NAT10: variants seen among roughly 807,000 people sequenced by gnomAD.
The protein encoded by NAT10 is RNA cytidine acetyltransferase.
A neutral mutation model predicts 132.2 loss-of-function variants in NAT10; 109 were observed. The observed-to-expected ratio is 0.82, with a 90% CI of 0.71 to 0.97. NAT10 has a LOEUF of 0.97. Ranked by LOEUF, NAT10 falls within the 50% of genes least tolerant of loss-of-function variation. The probability of loss-of-function intolerance (pLI) is 0.00; values close to 1 mark genes in which losing one functional copy is unlikely to be tolerated. For missense variants in NAT10, 1,184 were observed against 1,263.4 expected (o/e 0.94, Z 0.95); for synonymous variants, 479 against 478.0 (o/e 1.00, Z -0.03).
intron 16 of NAT10, 84 bp from the exon 17 acceptor site, chr11:34,134,235 A>G: frequency 8.6e-7 from 1 of 1,167,828 alleles, no homozygotes. Context: ...CAACTGGCCT[A>G]GTTCGAGAAA....
At chr11:34,143,610 A>G in intron 28 of NAT10, 82 bp downstream of exon 28, 1 of 1,285,024 alleles carries the variant, frequency 7.8e-7, no homozygotes. Flanking sequence ...ACTAGAAAAT[A>G]GGAGGTTGGA....
At chr11:34,143,401 CT>C (rs758257535) in intron 27 of NAT10, 43 bp from the exon 28 acceptor site, 18 of 1,544,542 alleles carry the variant, frequency 1.2e-5, no homozygotes, top group Admixed American at 5.3e-5. Flanking sequence ...AAGCAGTCCC[CT>C]CTTCTTTCTA....
chr11:34,128,900 A>G (rs1257521060), intron 12 of NAT10, among the ~76,000 whole-genome samples: 1 of 152,140 alleles, frequency 6.6e-6, no homozygotes, highest in African/African-American at 2.4e-5. Flanking sequence ...AGATTTGCCT[A>G]TTTTGGACAT....
Position 34,139,917 on chromosome 11 carries a change from ATG to A in NAT10, c.2419+426_2419+427del, listed in dbSNP as rs150999445. The stretch of plus-strand genomic sequence containing the variant: ...TGTTTGAATACTTAAAAAACAAAAA[ATG>A]TGTAAGAGATTAGTTTTATTGCATA... On this transcript the variant is annotated intron_variant, in intron 23 of 28. Transcript: ENST00000257829. 9.1e-4 allele frequency among the ~76,000 whole-genome samples: 139 copies of A among 152,330 alleles called. 2 individuals carry two copies. The East Asian group carries it at 0.021, about 23-fold the overall frequency.
chr11:34,131,267 C>G (rs1196596837), intron 13 of NAT10, 114 bp from the exon 14 acceptor site: 1 of 1,393,046 alleles, frequency 7.2e-7, no homozygotes, highest in Non-Finnish European at 9.6e-7. Context: ...ATTCTTACCA[C>G]ACGTCTCTGG....
Position 34,146,075 on chromosome 11 carries a change from T to C in NAT10, c.2970-9T>C. On this transcript the variant is annotated splice_polypyrimidine_tract_variant and intron_variant, in intron 28 of 28. Coordinates refer to ENST00000257829, the MANE Select transcript of NAT10 (RefSeq NM_024662.3). ...TATTTCATTCTTTCTATTTTTGATT[T>C]TTCTCTAGTGACAAGAAAAGGAAGT... is the stretch of plus-strand genomic sequence containing the variant. The C allele has an allele frequency of 6.3e-7, 1 of 1,578,560 alleles. No homozygotes were observed. The highest frequency in any genetic ancestry group is 8.6e-7 in the Non-Finnish European group (1 of 1,157,686).
chr11:34,143,665 C>T, intron 28 of NAT10, 137 bp downstream of exon 28: 1 of 738,920 alleles, frequency 1.4e-6, no homozygotes. Context: ...CTTTGAGAGT[C>T]CCCTGGCCAT....
chr11:34,144,319 A>C (rs1439081439), intron 28 of NAT10, among the ~76,000 whole-genome samples: 1 of 152,244 alleles, frequency 6.6e-6, no homozygotes, highest in African/African-American at 2.4e-5. Context: ...AATTTAAAAA[A>C]AATTCATTTG....
chr11:34,114,626 C>T (rs1479533463), intron 5 of NAT10, among the ~76,000 whole-genome samples: 2 of 152,210 alleles, frequency 1.3e-5, no homozygotes, highest in African/African-American at 4.8e-5. Context: ...GGCCTCGGCA[C>T]TTGCTGTTCC....
At chr11:34,131,150 C>T (rs902960201) in intron 13 of NAT10, among the ~76,000 whole-genome samples, 3 of 152,066 alleles carry the variant, frequency 2.0e-5, no homozygotes, top group African/African-American at 7.2e-5. Context: ...ATGGTGGGGC[C>T]CTTGTGTGTC....
chr11:34,124,266 T>C (rs775573720), intron 10 of NAT10, 36 bp from the exon 11 acceptor site: 1 of 1,407,260 alleles, frequency 7.1e-7, no homozygotes, highest in Non-Finnish European at 1.0e-6. Flanking sequence ...CTGAAACTTG[T>C]TTCTAAAGTT....
rs11032516 is a variant in NAT10 at position 34,115,665 on chromosome 11, A to G, written c.496-158A>G. ...AACGTTGCATTCAGTGTCTGATCCC[A>G]GTTTCAGCAAATACCATTTGGCACA... is the stretch of plus-strand genomic sequence containing the variant. On this transcript the variant is annotated intron_variant, in intron 5 of 28. Coordinates refer to ENST00000257829, the MANE Select transcript of NAT10 (RefSeq NM_024662.3). Among the ~76,000 whole-genome samples the G allele has an allele frequency of 1.3e-3, 199 of 152,376 alleles. 3 individuals are homozygous for G. The East Asian group carries it at 0.034, about 26-fold the overall frequency.
intron 14 of NAT10, 151 bp downstream of exon 14, chr11:34,131,682 T>TC: frequency 1.1e-6 from 1 of 902,690 alleles, no homozygotes; most frequent in Non-Finnish European, 1.5e-6. Context: ...CCTTTTTTTT[T>TC]TTTCTTTCTT....
intron 8 of NAT10, among the ~76,000 whole-genome samples, chr11:34,119,384 C>T (rs1449454119): frequency 6.6e-6 from 1 of 152,254 alleles, no homozygotes; most frequent in Non-Finnish European, 1.5e-5. Flanking sequence ...TGAGTCCCAG[C>T]AGGCTGGCTT....
Position 34,120,190 on chromosome 11 carries a change from G to T in NAT10, c.780+1687G>T, listed in dbSNP as rs547029693. On this transcript the variant is annotated intron_variant, in intron 8 of 28. Coordinates refer to ENST00000257829, the MANE Select transcript of NAT10 (RefSeq NM_024662.3). ...GTGAGCCGGTCTGCTTATTTCCTCT[G>T]CCCACTTTTTACTTGGATTTTGGCC... 1.0e-3 allele frequency among the ~76,000 whole-genome samples: 73 copies of T among 71,842 alleles called. 1 individual carries two copies. Among genetic ancestry groups the T allele is most frequent in the African/African-American group, 3.6e-3 (68 of 18,902 alleles). The allele number at this position is 71,842 out of a possible 152,430, so 47.1% of individuals were successfully genotyped here. A position where few individuals can be genotyped will look rare whatever the true frequency, so the allele number is the denominator to read the frequency against.
intron 3 of NAT10, among the ~76,000 whole-genome samples, chr11:34,109,149 C>G (rs1851649319): frequency 6.6e-6 from 1 of 151,950 alleles, no homozygotes; most frequent in Non-Finnish European, 1.5e-5. Flanking sequence ...ACTTTTCACT[C>G]TCTCTCTTTT....
At chr11:34,128,918 A>G (rs1171111448) in intron 12 of NAT10, among the ~76,000 whole-genome samples, 2 of 152,222 alleles carry the variant, frequency 1.3e-5, no homozygotes, top group East Asian at 3.8e-4. Flanking sequence ...CATTTCATAT[A>G]AATGGAATTA....
intron 1 of NAT10, among the ~76,000 whole-genome samples, 154 bp from the exon 2 acceptor site, chr11:34,108,057 G>A (rs964305383): frequency 4.6e-5 from 7 of 152,202 alleles, no homozygotes; most frequent in Non-Finnish European, 8.8e-5. Context: ...TTTAAAACTA[G>A]AGGCTGATGT....
chr11:34,108,740 A>G lies in NAT10; in HGVS notation c.109-2A>G, dbSNP rs1702432886. The G allele has an allele frequency of 6.2e-7, 1 of 1,606,928 alleles. No homozygotes were observed. The highest frequency in any genetic ancestry group is 8.5e-7 in the Non-Finnish European group (1 of 1,177,868). ...AAATTCTGTGACTTTTTTGTTTGGC[A>G]GGTGGTAATACTTCATCACATGTTA... On this transcript the variant is annotated splice_acceptor_variant, in intron 2 of 28. Coordinates refer to ENST00000257829, the MANE Select transcript of NAT10 (RefSeq NM_024662.3). LOFTEE classifies it high-confidence loss of function.
Sources: allele counts gnomAD v4.1 joint callset (sites outside exome capture counted in the v4.1 genomes callset), GRCh38; gene constraint gnomAD v4.1.1; transcripts MANE v1.5; gene names NCBI Gene and HGNC (gene_info 2026-07-23, HGNC 2026-07-21).